HSPA13: variants seen among roughly 807,000 people sequenced by gnomAD.
HSPA13 encodes the protein heat shock protein family A (Hsp70) member 13.
Under a neutral mutation model 38.8 loss-of-function variants are expected in HSPA13, and 29 were observed. The observed-to-expected ratio is 0.75, with a 90% CI of 0.56 to 1.02. HSPA13 has a LOEUF of 1.02. Ranked by LOEUF, HSPA13 falls within the 50% of genes least tolerant of loss-of-function variation. The pLI is 0.00. For missense variants in HSPA13, 451 were observed against 560.9 expected, an observed-to-expected ratio of 0.80 and a Z score of 1.98; for synonymous variants, 192 against 205.3, an observed-to-expected ratio of 0.94 and a Z score of 0.56.
chr21:14,381,537 GCCGAT>G lies in HSPA13; in HGVS notation c.27_31del (p.Ser10CysfsTer21). The G allele has an allele frequency of 6.3e-7, 1 of 1,585,976 alleles. No individual in the cohort carries two copies. Among genetic ancestry groups the G allele is most frequent in the Non-Finnish European group, 8.6e-7 (1 of 1,161,168 alleles). On this transcript the variant is annotated frameshift_variant and splice_region_variant, in exon 2 of 5. Coordinates refer to ENST00000285667, the MANE Select transcript of HSPA13 (RefSeq NM_006948.5). LOFTEE classifies it high-confidence loss of function. ...GCCGGCCAACAGGAGAGTCAAAACA[GCCGAT>G]CCTGAAATAAAGGAAAATTAAAAGA...
At chr21:14,378,520 A>G in intron 2 of HSPA13, 108 bp from the exon 3 acceptor site, 1 of 672,866 alleles carries the variant, frequency 1.5e-6, no homozygotes, top group Non-Finnish European at 2.5e-6. Flanking sequence ...TTATCTTTAC[A>G]AAATCAAAAA....
intron 1 of HSPA13, among the ~76,000 whole-genome samples, chr21:14,381,952 C>CT (rs1445106857): frequency 1.3e-5 from 2 of 152,094 alleles, no homozygotes; most frequent in African/African-American, 4.8e-5. Flanking sequence ...CTTCGATTAT[C>CT]TTTTTTTAAA....
At position 14,377,265 on chromosome 21, in the gene HSPA13, T is replaced by C. The variant is rs982355067; in HGVS notation, c.580+934A>G. Among the ~76,000 whole-genome samples, 6 of 152,342 alleles carry C rather than the reference T, an allele frequency of 3.9e-5. No homozygotes were observed. The East Asian group carries it at 1.2e-3, about 29-fold the overall frequency. Reference sequence around the variant, plus strand: ...GAGAACAAAGATTTCTTTCTTTTTTTAGTAAGGCCCTCAATATTGGTTCAA... The same window carrying C: ...GAGAACAAAGATTTCTTTCTTTTTTCAGTAAGGCCCTCAATATTGGTTCAA... On this transcript the variant is annotated intron_variant, in intron 3 of 4. Coordinates refer to ENST00000285667, the MANE Select transcript of HSPA13 (RefSeq NM_006948.5).
rs115054639 is a variant in HSPA13 at position 14,377,330 on chromosome 21, T to G, written c.580+869A>C. Among the ~76,000 whole-genome samples, 1,125 of 152,330 alleles carry G rather than the reference T, an allele frequency of 7.4e-3. 24 individuals are homozygous for G. Among genetic ancestry groups the G allele is most frequent in the African/African-American group, 0.026 (1,062 of 41,580 alleles). ...AAATCATTAAATGATCTATCTCAGATTTTACTTAAAAAATTATATTCACCT... is the reference window on the plus strand; with the variant it reads ...AAATCATTAAATGATCTATCTCAGAGTTTACTTAAAAAATTATATTCACCT... On this transcript the variant is annotated intron_variant, in intron 3 of 4. Coordinates refer to ENST00000285667, the MANE Select transcript of HSPA13 (RefSeq NM_006948.5).
Position 14,381,335 on chromosome 21 carries a change from T to C in HSPA13, c.234A>G (p.Val78=), listed in dbSNP as rs147886373. 1.8e-5 allele frequency: 29 copies of C among 1,614,166 alleles called. No homozygotes were observed. The highest frequency in any genetic ancestry group is 2.3e-5 in the Non-Finnish European group (27 of 1,180,008). Reference sequence around the variant, plus strand: ...GCTCTACGCTTTCATATCCCACATATACATCATTGTCAGTAAAAGACACCA... The same window carrying C: ...GCTCTACGCTTTCATATCCCACATACACATCATTGTCAGTAAAAGACACCA... ...PSMVSFTDND[V]YVGYESVELA... Residue 78 remains valine (V), a synonymous_variant, in exon 2 of 5, where the codon GTA becomes GTG. Coordinates refer to ENST00000285667, the MANE Select transcript of HSPA13 (RefSeq NM_006948.5).
intron 1 of HSPA13, among the ~76,000 whole-genome samples, chr21:14,381,921 A>T (rs1456974967): frequency 1.3e-5 from 2 of 152,218 alleles, no homozygotes; most frequent in Non-Finnish European, 2.9e-5. Flanking sequence ...TGATATTTAG[A>T]TTTTACAGCT....
At position 14,381,339 on chromosome 21, in the gene HSPA13, T is replaced by A; in HGVS notation, c.230A>T (p.Asp77Val). The change falls in exon 2 of 5, where the codon GAT (aspartate) becomes GTT (valine). Residue 77 changes from aspartate (D) to valine (V), a missense_variant. Coordinates refer to ENST00000285667, the MANE Select transcript of HSPA13 (RefSeq NM_006948.5). ...TACGCTTTCATATCCCACATATACATCATTGTCAGTAAAAGACACCATGCT... is the reference window on the plus strand; with the variant it reads ...TACGCTTTCATATCCCACATATACAACATTGTCAGTAAAAGACACCATGCT... ...IPSMVSFTDN[D>V]VYVGYESVEL... 6.2e-7 allele frequency: 1 copy of A among 1,614,170 alleles called. No homozygotes were observed. Among genetic ancestry groups the A allele is most frequent in the Non-Finnish European group, 8.5e-7 (1 of 1,180,024 alleles).
In HSPA13 at chr21:14,372,034, TTG is replaced by T. The variant is rs1982838163; in HGVS notation, c.*1581_*1582del. 6.6e-6 allele frequency: 1 copy of T among 152,478 alleles called. No homozygotes were observed. Among genetic ancestry groups the T allele is most frequent in the African/African-American group, 2.4e-5 (1 of 41,574 alleles). 9.4% of individuals were successfully genotyped at this position (152,478 alleles called of 1,614,324 possible). A position where few individuals can be genotyped will look rare whatever the true frequency, so the allele number is the denominator to read the frequency against. On this transcript the variant is annotated 3_prime_UTR_variant, in exon 5 of 5. Coordinates refer to ENST00000285667, the MANE Select transcript of HSPA13 (RefSeq NM_006948.5). ...ATACACAAAAGTATTTGATTGAAAT[TTG>T]TGTTTTAACAGCAATTTCATTGCTA...
chr21:14,378,086 T>A (rs1984073056), intron 3 of HSPA13, 113 bp downstream of exon 3: 3 of 727,674 alleles, frequency 4.1e-6, no homozygotes, highest in Non-Finnish European at 7.0e-6. Context: ...ACCATATAGT[T>A]TGTTTATTTT....
rs1204886215 is a variant in HSPA13 at position 14,383,079 on chromosome 21, A to G, written c.25+16T>C. On this transcript the variant is annotated intron_variant, in intron 1 of 4. Transcript: ENST00000285667. ...CTCTACGCCCGCAAGAGCAACAAGG[A>G]CCCCCGGGAACCCACCTAAGATCGT... The G allele has an allele frequency of 3.1e-6, 5 of 1,613,288 alleles. No homozygotes were observed. In the African/African-American group the frequency reaches 4.0e-5, roughly 13 times the overall value.
Position 14,378,326 on chromosome 21 carries a change from T to C in HSPA13, c.453A>G (p.Leu151=), listed in dbSNP as rs746330537. ...TVSPEYVGSR[L]LLKLKEMAEA... ...CTGCCATTTCCTTTAACTTCAACAA[T>C]AGTCGAGAGCCAACATATTCTGGGG... Residue 151 remains leucine, a synonymous_variant, in exon 3 of 5, where the codon CTA becomes CTG. Transcript: ENST00000285667. 1.1e-5 allele frequency: 18 copies of C among 1,613,974 alleles called. No individual in the cohort carries two copies. The highest frequency in any genetic ancestry group is 2.2e-5 in the East Asian group (1 of 44,888).
At position 14,373,875 on chromosome 21, in the gene HSPA13, C is replaced by A. The variant is rs566110496; in HGVS notation, c.1158G>T (p.Gln386His). The change falls in exon 5 of 5, where the codon CAG (glutamine) becomes CAT (histidine). Residue 386 changes from glutamine to histidine, a missense_variant. Transcript: ENST00000285667. ...CCAGGTGGCCTTCTTTCAATACTTG[C>A]TGAATGGGTACCAGTATTTTCTGAA... ...DLFQKILVPI[Q>H]QVLKEGHLEK... The A allele has an allele frequency of 2.5e-6, 4 of 1,614,186 alleles. No individual in the cohort carries two copies. In the African/African-American group the frequency reaches 5.3e-5, roughly 22 times the overall value.
chr21:14,373,470 A>G lies in HSPA13; in HGVS notation c.*147T>C. On this transcript the variant is annotated 3_prime_UTR_variant, in exon 5 of 5. Coordinates refer to ENST00000285667, the MANE Select transcript of HSPA13 (RefSeq NM_006948.5). The stretch of plus-strand genomic sequence containing the variant: ...TGGTCACGTCTAATCCTAAGACAAA[A>G]CACTATGTAAAATTTTCCTGTATCT... 1.5e-6 allele frequency: 1 copy of G among 662,682 alleles called. No homozygotes were observed. Among genetic ancestry groups the G allele is most frequent in the South Asian group, 2.0e-5 (1 of 49,596 alleles). 41.1% of individuals were successfully genotyped at this position (662,682 alleles called of 1,614,324 possible). A position where few individuals can be genotyped will look rare whatever the true frequency, so the allele number is the denominator to read the frequency against.
rs892870724 is a variant in HSPA13 at position 14,378,357 on chromosome 21, G to A, written c.422C>T (p.Thr141Ile). The A allele has an allele frequency of 1.2e-6, 2 of 1,613,964 alleles. No individual in the cohort carries two copies. The highest frequency in any genetic ancestry group is 1.3e-5 in the African/African-American group (1 of 74,924). Residue 141 changes from threonine (T) to isoleucine (I), a missense_variant, in exon 3 of 5, where the codon ACA becomes ATA. Physicochemically the swap from Thr to Ile is moderately conservative, Grantham distance 89. Coordinates refer to ENST00000285667, the MANE Select transcript of HSPA13 (RefSeq NM_006948.5). ...AGAGCCAACATATTCTGGGGACACT[G>A]TGATGGTCTCATTACTTGTCACAGA... The part of the protein sequence containing the change: ...EFSVTSNETI[T>I]VSPEYVGSRL...
At chr21:14,382,915 T>A (rs947346638) in intron 1 of HSPA13, among the ~76,000 whole-genome samples, 180 bp downstream of exon 1, 1 of 152,062 alleles carries the variant, frequency 6.6e-6, no homozygotes, top group African/African-American at 2.4e-5. Flanking sequence ...GGGGCCCTCC[T>A]AGAGGCGTCC....
Position 14,371,703 on chromosome 21 carries a change from C to T in HSPA13, c.*1914G>A, listed in dbSNP as rs1456880862. On this transcript the variant is annotated 3_prime_UTR_variant, in exon 5 of 5. Coordinates refer to ENST00000285667, the MANE Select transcript of HSPA13 (RefSeq NM_006948.5). The stretch of plus-strand genomic sequence containing the variant: ...CTATTTTGTCAATTGTTTCCAAAAG[C>T]ATTAACGGATTAAGAGACTGTCTTG... 2 of 152,086 alleles carry T rather than the reference C, an allele frequency of 1.3e-5. No individual in the cohort carries two copies. The highest frequency in any genetic ancestry group is 2.9e-5 in the Non-Finnish European group (2 of 67,952). The allele number at this position is 152,086 out of a possible 1,614,324, so 9.4% of individuals were successfully genotyped here.
intron 4 of HSPA13, 23 bp downstream of exon 4, chr21:14,375,629 G>C: frequency 6.2e-7 from 1 of 1,602,726 alleles, no homozygotes; most frequent in East Asian, 2.3e-5. Context: ...ACTGCGCCCA[G>C]CCTCTCCCTG....
chr21:14,382,353 C>T (rs1325827115), intron 1 of HSPA13, among the ~76,000 whole-genome samples: 1 of 152,032 alleles, frequency 6.6e-6, no homozygotes, highest in Non-Finnish European at 1.5e-5. Flanking sequence ...GAACAAATGC[C>T]ACGCAGATTG....
At chr21:14,381,684 T>TC in intron 1 of HSPA13, 141 bp from the exon 2 acceptor site, 1 of 583,780 alleles carries the variant, frequency 1.7e-6, no homozygotes, top group Non-Finnish European at 2.8e-6. Flanking sequence ...GGACTGCTGA[T>TC]AGCACTCCTC....
Sources: gnomAD v4.1 joint callset for allele counts (sites outside exome capture counted in the v4.1 genomes callset) on GRCh38, gnomAD v4.1.1 for gene constraint, MANE v1.5 for transcripts, NCBI Gene and HGNC (gene_info 2026-07-23, HGNC 2026-07-21) for gene names.